The following RABGAP1L variants were observed in gnomAD, a reference collection of about 807,000 sequenced individuals.
RABGAP1L encodes rab GTPase-activating protein 1-like.
RABGAP1L carries 63 observed loss-of-function variants against 137.7 expected under a neutral mutation model. The ratio of observed to expected loss-of-function variants is 0.46; its 90% CI spans 0.37 to 0.56. The LOEUF is 0.56. Among genes scored for constraint, RABGAP1L ranks in the 20% least tolerant of loss-of-function variants. The probability of loss-of-function intolerance (pLI) is 0.00; values close to 1 mark genes in which losing one functional copy is unlikely to be tolerated. For synonymous variants in RABGAP1L, 431 were observed against 433.7 expected, an observed-to-expected ratio of 0.99 and a Z score of 0.08; for missense variants, 1,095 against 1,244.0, an observed-to-expected ratio of 0.88 and a Z score of 1.80.
intron 13 of RABGAP1L, among the ~76,000 whole-genome samples, chr1:174,523,537 C>T (rs1036106977): frequency 2.6e-5 from 4 of 152,062 alleles, no homozygotes; most frequent in Non-Finnish European, 4.4e-5. Context: ...TTATGGGGTA[C>T]ATGTAAGTAT....
intron 18 of RABGAP1L, among the ~76,000 whole-genome samples, chr1:174,789,972 C>T (rs1687727136): frequency 6.6e-6 from 1 of 152,096 alleles, no homozygotes; most frequent in Non-Finnish European, 1.5e-5. Flanking sequence ...CTTTGGGAGG[C>T]TGAGGTGTGC....
chr1:174,565,201 A>T (rs913936679), intron 13 of RABGAP1L, among the ~76,000 whole-genome samples: 1 of 152,130 alleles, frequency 6.6e-6, no homozygotes, highest in Non-Finnish European at 1.5e-5. Context: ...TGTTTTATGC[A>T]TGAGAACATA....
intron 13 of RABGAP1L, among the ~76,000 whole-genome samples, chr1:174,564,183 A>G (rs1025214246): frequency 2.0e-5 from 3 of 152,232 alleles, no homozygotes; most frequent in African/African-American, 7.2e-5. Context: ...CTCATATCAT[A>G]TCTAACAGTT....
chr1:174,968,380 G>T lies in RABGAP1L; in HGVS notation c.2434-897G>T, dbSNP rs76777839. Among the ~76,000 whole-genome samples the T allele has an allele frequency of 2.1e-3, 313 of 152,188 alleles. 1 individual carries two copies. The highest frequency in any genetic ancestry group is 3.2e-3 in the Non-Finnish European group (218 of 68,010). On this transcript the variant is annotated intron_variant, in intron 20 of 25. Coordinates refer to ENST00000681986, the MANE Select transcript of RABGAP1L (RefSeq NM_001366446.1). ...ATAACTGTTAACAGTAGCAAAGAAA[G>T]CAATTTTGATACTTTGGAATGGAAG...
chr1:174,784,520 T>C (rs1687307070), intron 18 of RABGAP1L, among the ~76,000 whole-genome samples: 1 of 152,114 alleles, frequency 6.6e-6, no homozygotes, highest in Admixed American at 6.5e-5. Flanking sequence ...GTGGGACTGG[T>C]AGTGGAAACA....
At chr1:174,352,359 T>C (rs538558176) in intron 11 of RABGAP1L, among the ~76,000 whole-genome samples, 6 of 152,290 alleles carry the variant, frequency 3.9e-5, no homozygotes, top group South Asian at 4.1e-4. Flanking sequence ...TGAAAGACTA[T>C]GATTCATTCT....
At chr1:174,804,282 T>TTTTTTTTTTTG (rs1689052635) in intron 18 of RABGAP1L, among the ~76,000 whole-genome samples, 1 of 143,144 alleles carries the variant, frequency 7.0e-6, no homozygotes, top group Non-Finnish European at 1.5e-5. Flanking sequence ...TTGTTTTTTG[T>TTTTTTTTTTTG]TTTTTTTTTT....
chr1:174,669,499 T>A (rs903958229), intron 14 of RABGAP1L, among the ~76,000 whole-genome samples: 1 of 152,212 alleles, frequency 6.6e-6, no homozygotes, highest in African/African-American at 2.4e-5. Flanking sequence ...GCAATCACAT[T>A]TGTCTATTTT....
intron 11 of RABGAP1L, among the ~76,000 whole-genome samples, chr1:174,306,144 T>A (rs1678219915): frequency 6.6e-6 from 1 of 152,256 alleles, no homozygotes; most frequent in Non-Finnish European, 1.5e-5. Flanking sequence ...TGTGCCACAT[T>A]TTCGTAATCC....
intron 17 of RABGAP1L, among the ~76,000 whole-genome samples, chr1:174,722,473 G>T (rs1681638594): frequency 6.6e-6 from 1 of 151,208 alleles, no homozygotes; most frequent in South Asian, 2.1e-4. Flanking sequence ...TTTTGAGACG[G>T]AGTTTCACTC....
At chr1:174,176,457 C>A (rs1316648414) in intron 1 of RABGAP1L, among the ~76,000 whole-genome samples, 1 of 151,788 alleles carries the variant, frequency 6.6e-6, no homozygotes, top group Non-Finnish European at 1.5e-5. Flanking sequence ...CGCCTGTAAT[C>A]CTAGCACTTT....
chr1:174,886,153 C>T (rs1655083305), intron 19 of RABGAP1L, among the ~76,000 whole-genome samples: 1 of 151,654 alleles, frequency 6.6e-6, no homozygotes, highest in African/African-American at 2.4e-5. Flanking sequence ...GCTGGGATTA[C>T]AGGCATGCAC....
At chr1:174,805,452 G>A (rs761722984) in intron 18 of RABGAP1L, among the ~76,000 whole-genome samples, 1 of 152,156 alleles carries the variant, frequency 6.6e-6, no homozygotes, top group Non-Finnish European at 1.5e-5. Context: ...AGCAAAAGAC[G>A]GTTGTGTAGT....
At chr1:174,967,105 TTTTTTTCCCCCC>T (rs1371377992) in intron 20 of RABGAP1L, among the ~76,000 whole-genome samples, 1 of 151,714 alleles carries the variant, frequency 6.6e-6, no homozygotes, top group African/African-American at 2.4e-5. Flanking sequence ...TTTATTGGGG[TTTTTTTCCCCCC>T]TACAAGGAAG....
chr1:174,172,204 GTGTGTGTGTGTGTA>G (rs1300150196), intron 1 of RABGAP1L, among the ~76,000 whole-genome samples: 5 of 140,554 alleles, frequency 3.6e-5, no homozygotes, highest in East Asian at 2.0e-4. Context: ...GTGTGTGTGT[GTGTGTGTGTGTGTA>G]TATATGCCAC....
intron 13 of RABGAP1L, among the ~76,000 whole-genome samples, chr1:174,413,654 T>G (rs1486621152): frequency 1.3e-5 from 2 of 152,154 alleles, no homozygotes; most frequent in Admixed American, 1.3e-4. Flanking sequence ...TATTTTATTT[T>G]TTCTGTACCC....
In RABGAP1L at chr1:174,399,710, G is replaced by A. The variant is rs144609587; in HGVS notation, c.1710+5565G>A. 1.2e-4 allele frequency among the ~76,000 whole-genome samples: 18 copies of A among 152,186 alleles called. 1 individual carries two copies. Among genetic ancestry groups the A allele is most frequent in the South Asian group, 6.2e-4 (3 of 4,822 alleles). ...GCCTCAGCAAATTTACAATCGTGGCGGAAAGGGAAGCTAACACATCCTTCT... is the reference window on the plus strand; with the variant it reads ...GCCTCAGCAAATTTACAATCGTGGCAGAAAGGGAAGCTAACACATCCTTCT... On this transcript the variant is annotated intron_variant, in intron 13 of 25. Coordinates refer to ENST00000681986, the MANE Select transcript of RABGAP1L (RefSeq NM_001366446.1).
intron 13 of RABGAP1L, among the ~76,000 whole-genome samples, chr1:174,582,425 C>G (rs1235030557): frequency 6.6e-6 from 1 of 151,884 alleles, no homozygotes; most frequent in Admixed American, 6.6e-5. Context: ...TATTCTGGAG[C>G]CCATGAAGGA....
rs80005416 is a variant in RABGAP1L at position 174,566,486 on chromosome 1, C to A, written c.1711-70889C>A. The stretch of plus-strand genomic sequence containing the variant: ...GTGGCATTTTTTAAGACTGCATAAT[C>A]CAGCAACTTATGATTCCCTGTTAGG... On this transcript the variant is annotated intron_variant, in intron 13 of 25. Coordinates refer to ENST00000681986, the MANE Select transcript of RABGAP1L (RefSeq NM_001366446.1). Among the ~76,000 whole-genome samples, 584 of 152,192 alleles carry A rather than the reference C, an allele frequency of 3.8e-3. 6 individuals are homozygous for A. Among genetic ancestry groups the A allele is most frequent in the African/African-American group, 0.014 (566 of 41,524 alleles).
Sources: gnomAD v4.1 joint callset for allele counts (sites outside exome capture counted in the v4.1 genomes callset) on GRCh38, gnomAD v4.1.1 for gene constraint, MANE v1.5 for transcripts, NCBI Gene and HGNC (gene_info 2026-07-23, HGNC 2026-07-21) for gene names.